TENM3: variants seen among roughly 807,000 people sequenced by gnomAD.
The protein encoded by TENM3 is teneurin-3.
Under a neutral mutation model 255.1 loss-of-function variants are expected in TENM3, and 63 were observed. The observed-to-expected ratio is 0.25, with a 90% CI of 0.20 to 0.30. The LOEUF (loss-of-function observed/expected upper bound fraction) is 0.30. TENM3 is among the 10% of genes least tolerant of loss of function. The pLI, the probability that TENM3 is intolerant of heterozygous loss-of-function variation, is 1.00. For missense variants in TENM3, 2,929 were observed against 3,461.1 expected (o/e 0.85, Z 3.86); for synonymous variants, 1,306 against 1,322.3 (o/e 0.99, Z 0.27).
chr4:181,799,786 T>A, the TENM3 span, among the ~76,000 whole-genome samples: 1 of 152,152 alleles, frequency 6.6e-6, no homozygotes, highest in African/African-American at 2.4e-5. Context: ...GATCTAAAGC[T>A]CTAGTGCGGC....
At chr4:181,754,284 T>TCACA in the TENM3 span, among the ~76,000 whole-genome samples, 63,535 of 144,382 alleles carry the variant, frequency 0.44, 14,888 homozygotes, top group East Asian at 0.71. Context: ...TATATCCCAG[T>TCACA]CACACACACA....
the TENM3 span, among the ~76,000 whole-genome samples, chr4:181,500,132 G>A: frequency 1.4e-4 from 22 of 151,902 alleles, no homozygotes; most frequent in Admixed American, 7.9e-4. Flanking sequence ...AGGTTCAAGC[G>A]ATTCTCCCGT....
chr4:182,367,643 TAG>T (rs1364231441), intron 3 of TENM3, among the ~76,000 whole-genome samples: 1 of 151,726 alleles, frequency 6.6e-6, no homozygotes, highest in Admixed American at 6.6e-5. Flanking sequence ...GTTCCTGTAA[TAG>T]AGAGAGGAAA....
chr4:181,454,915 G>A, the TENM3 span, among the ~76,000 whole-genome samples: 9 of 151,428 alleles, frequency 5.9e-5, no homozygotes, highest in African/African-American at 1.7e-4. Flanking sequence ...TATGAAGTTG[G>A]CACATCAACA....
chr4:181,634,651 G>T, the TENM3 span, among the ~76,000 whole-genome samples: 4 of 151,992 alleles, frequency 2.6e-5, no homozygotes, highest in South Asian at 4.1e-4. Flanking sequence ...AGATTAATGT[G>T]CTAAAAGCCT....
the TENM3 span, among the ~76,000 whole-genome samples, chr4:181,765,803 G>T: frequency 6.6e-6 from 1 of 152,156 alleles, no homozygotes; most frequent in Non-Finnish European, 1.5e-5. Flanking sequence ...AAAAGGTTTA[G>T]AAAGGAAAAT....
the TENM3 span, among the ~76,000 whole-genome samples, chr4:181,690,268 T>G: frequency 3.4e-5 from 5 of 145,244 alleles, no homozygotes; most frequent in Admixed American, 2.1e-4. Context: ...ACACCAGGAT[T>G]ATTTGGCACT....
At chr4:182,723,908 T>G (rs1232619402) in intron 13 of TENM3, among the ~76,000 whole-genome samples, 4 of 152,154 alleles carry the variant, frequency 2.6e-5, no homozygotes. Flanking sequence ...ACTCTTTGGT[T>G]CTACAAAATA....
the TENM3 span, among the ~76,000 whole-genome samples, chr4:181,873,054 A>T: frequency 1.3e-4 from 20 of 151,782 alleles, no homozygotes; most frequent in East Asian, 3.3e-3. Context: ...TTTAAGTCTT[A>T]CTTCTCTTCT....
chr4:181,886,202 G>A, the TENM3 span, among the ~76,000 whole-genome samples: 1 of 151,970 alleles, frequency 6.6e-6, no homozygotes, highest in Non-Finnish European at 1.5e-5. Context: ...ACAGGCGCGT[G>A]CCACCACACC....
At chr4:181,800,921 G>A in the TENM3 span, among the ~76,000 whole-genome samples, 39 of 152,140 alleles carry the variant, frequency 2.6e-4, no homozygotes, top group Admixed American at 7.2e-4. Flanking sequence ...TTTCCAGAAC[G>A]GGGCAACTCA....
chr4:181,939,842 T>G, the TENM3 span, among the ~76,000 whole-genome samples: 1 of 152,210 alleles, frequency 6.6e-6, no homozygotes, highest in Non-Finnish European at 1.5e-5. Context: ...TTTAGTCCTT[T>G]TATTAAAGCT....
At chr4:182,387,233 G>A (rs147073122) in intron 3 of TENM3, among the ~76,000 whole-genome samples, 13,007 of 151,772 alleles carry the variant, frequency 0.086, 852 homozygotes, top group African/African-American at 0.18. Flanking sequence ...AAACACACCA[G>A]TCAGCACCCT....
intron 3 of TENM3, among the ~76,000 whole-genome samples, chr4:182,348,784 AT>A (rs199916744): frequency 2.6e-5 from 4 of 151,550 alleles, no homozygotes; most frequent in Non-Finnish European, 5.9e-5. Flanking sequence ...AAACATATGT[AT>A]TTTTTTTTCT....
intron 1 of TENM3, among the ~76,000 whole-genome samples, chr4:182,154,392 T>G (rs1483982253): frequency 6.6e-6 from 1 of 152,144 alleles, no homozygotes; most frequent in African/African-American, 2.4e-5. Flanking sequence ...TACACAATAG[T>G]TTTATCAAGT....
the TENM3 span, among the ~76,000 whole-genome samples, chr4:182,025,131 C>T: frequency 6.6e-6 from 1 of 151,248 alleles, no homozygotes; most frequent in Admixed American, 6.6e-5. Flanking sequence ...CGGGTTCACG[C>T]CATTCTCCTG....
intron 22 of TENM3, among the ~76,000 whole-genome samples, chr4:182,764,377 G>T (rs1763491641): frequency 6.6e-6 from 1 of 152,206 alleles, no homozygotes; most frequent in African/African-American, 2.4e-5. Flanking sequence ...CTCTCAAGGA[G>T]CTCAGAGTCC....
chr4:182,298,660 C>T (rs1295893257), intron 1 of TENM3, among the ~76,000 whole-genome samples: 2 of 151,952 alleles, frequency 1.3e-5, no homozygotes, highest in African/African-American at 2.4e-5. Context: ...TGACACTCAA[C>T]AATTGAAGCA....
At chr4:181,610,987 C>A in the TENM3 span, among the ~76,000 whole-genome samples, 299 of 152,274 alleles carry the variant, frequency 2.0e-3, 3 homozygotes, top group Middle Eastern at 6.8e-3. Context: ...GGTCAACTGA[C>A]CTCAAGTTTG....
Sources: gnomAD v4.1 joint callset for allele counts (sites outside exome capture counted in the v4.1 genomes callset) on GRCh38, gnomAD v4.1.1 for gene constraint, MANE v1.5 for transcripts, NCBI Gene and HGNC (gene_info 2026-07-23, HGNC 2026-07-21) for gene names.